The following SPOCK3 variants were observed in gnomAD, a reference collection of about 807,000 sequenced individuals.
SPOCK3 encodes testican-3.
A neutral mutation model predicts 56.6 loss-of-function variants in SPOCK3; 30 were observed. The observed-to-expected ratio is 0.53, with a 90% CI of 0.40 to 0.72. SPOCK3 has a LOEUF of 0.72. Ranked by LOEUF, SPOCK3 falls within the 30% of genes least tolerant of loss-of-function variation. The pLI, the probability that SPOCK3 is intolerant of heterozygous loss-of-function variation, is 0.00. For synonymous variants in SPOCK3, 196 were observed against 183.3 expected, an observed-to-expected ratio of 1.07 and a Z score of -0.56; for missense variants, 527 against 530.0, an observed-to-expected ratio of 0.99 and a Z score of 0.06.
At chr4:166,932,904 C>A (rs904290448) in intron 4 of SPOCK3, among the ~76,000 whole-genome samples, 3 of 152,018 alleles carry the variant, frequency 2.0e-5, no homozygotes, top group African/African-American at 7.2e-5. Flanking sequence ...TGTCTAGTAT[C>A]CCTCTGATTT....
chr4:167,170,832 A>G (rs1048162883), intron 2 of SPOCK3, among the ~76,000 whole-genome samples: 2 of 152,198 alleles, frequency 1.3e-5, no homozygotes, highest in African/African-American at 4.8e-5. Context: ...GAGAAGAGTC[A>G]GAGTTCAAGT....
chr4:166,771,165 A>C (rs899427861), intron 7 of SPOCK3, among the ~76,000 whole-genome samples: 1 of 151,324 alleles, frequency 6.6e-6, no homozygotes, highest in African/African-American at 2.4e-5. Context: ...GTTCAGAATA[A>C]GAAAATTTTT....
intron 4 of SPOCK3, among the ~76,000 whole-genome samples, chr4:166,934,438 C>A (rs1205272533): frequency 2.0e-5 from 3 of 151,792 alleles, no homozygotes; most frequent in Non-Finnish European, 2.9e-5. Flanking sequence ...GAGGAGCTTG[C>A]AGTGAGCCGA....
intron 7 of SPOCK3, among the ~76,000 whole-genome samples, chr4:166,763,901 C>T (rs1026850165): frequency 3.9e-5 from 6 of 152,022 alleles, no homozygotes; most frequent in African/African-American, 1.2e-4. Context: ...GCTGAAAGTC[C>T]AACAGAGATC....
At chr4:166,944,603 T>A (rs761398873) in intron 4 of SPOCK3, among the ~76,000 whole-genome samples, 2 of 152,160 alleles carry the variant, frequency 1.3e-5, no homozygotes, top group African/African-American at 4.8e-5. Flanking sequence ...ATCAATTACA[T>A]TGTAGAATGT....
At chr4:166,755,095 C>A (rs1736901018) in intron 7 of SPOCK3, among the ~76,000 whole-genome samples, 1 of 151,844 alleles carries the variant, frequency 6.6e-6, no homozygotes, top group Non-Finnish European at 1.5e-5. Context: ...TTTAAAACAT[C>A]CTATGAACAA....
At chr4:166,804,639 A>G (rs773616450) in intron 6 of SPOCK3, among the ~76,000 whole-genome samples, 23 of 152,162 alleles carry the variant, frequency 1.5e-4, no homozygotes, top group Non-Finnish European at 3.2e-4. Flanking sequence ...AAATCTTTGT[A>G]TGTGCTTCTT....
chr4:167,031,751 T>G (rs1752297428), intron 3 of SPOCK3, among the ~76,000 whole-genome samples: 1 of 152,020 alleles, frequency 6.6e-6, no homozygotes, highest in African/African-American at 2.4e-5. Flanking sequence ...CTGTTGAAAC[T>G]CCTTTCTTTT....
intron 6 of SPOCK3, among the ~76,000 whole-genome samples, chr4:166,842,419 A>G (rs1292621882): frequency 6.6e-6 from 1 of 152,124 alleles, no homozygotes; most frequent in African/African-American, 2.4e-5. Flanking sequence ...CAGAGTGCTG[A>G]TTGGTGCATT....
intron 3 of SPOCK3, among the ~76,000 whole-genome samples, chr4:167,029,974 T>C (rs1439581164): frequency 6.6e-6 from 1 of 152,046 alleles, no homozygotes; most frequent in African/African-American, 2.4e-5. Context: ...TGTTTTACTA[T>C]GTCTGTTCTT....
intron 4 of SPOCK3, among the ~76,000 whole-genome samples, chr4:166,928,275 C>G (rs1202045230): frequency 6.6e-6 from 1 of 152,192 alleles, no homozygotes; most frequent in Non-Finnish European, 1.5e-5. Flanking sequence ...AGCTTGCAGA[C>G]AGATGTTTAT....
intron 5 of SPOCK3, among the ~76,000 whole-genome samples, chr4:166,895,898 C>T (rs1423198313): frequency 6.6e-6 from 1 of 152,040 alleles, no homozygotes; most frequent in Non-Finnish European, 1.5e-5. Context: ...AAAGTCTCCC[C>T]TTGAGTAAAT....
chr4:166,795,331 C>G (rs1482411502), intron 6 of SPOCK3, among the ~76,000 whole-genome samples: 1 of 152,096 alleles, frequency 6.6e-6, no homozygotes, highest in Non-Finnish European at 1.5e-5. Context: ...AGTCGCATCC[C>G]AGATTCTTAG....
chr4:167,038,393 G>A (rs1454074938), intron 3 of SPOCK3, among the ~76,000 whole-genome samples: 1 of 152,074 alleles, frequency 6.6e-6, no homozygotes, highest in African/African-American at 2.4e-5. Context: ...CCTACATTTT[G>A]TGTTCTTGCC....
intron 6 of SPOCK3, among the ~76,000 whole-genome samples, chr4:166,854,566 C>T (rs963954566): frequency 6.6e-6 from 1 of 151,976 alleles, no homozygotes; most frequent in African/African-American, 2.4e-5. Flanking sequence ...TATAGACTGT[C>T]CATAATATTT....
At chr4:166,895,103 A>T (rs986798849) in intron 5 of SPOCK3, among the ~76,000 whole-genome samples, 1 of 152,118 alleles carries the variant, frequency 6.6e-6, no homozygotes, top group Admixed American at 6.6e-5. Flanking sequence ...TGTTTGAATT[A>T]TTCCAGATTA....
intron 6 of SPOCK3, among the ~76,000 whole-genome samples, chr4:166,851,184 G>T (rs1213876495): frequency 1.3e-5 from 2 of 152,152 alleles, no homozygotes; most frequent in African/African-American, 2.4e-5. Flanking sequence ...AGCCTAACTG[G>T]GAGGCACTCC....
At chr4:166,945,612 T>A (rs1040208467) in intron 4 of SPOCK3, among the ~76,000 whole-genome samples, 2 of 152,174 alleles carry the variant, frequency 1.3e-5, no homozygotes, top group African/African-American at 4.8e-5. Context: ...TCCTAATCAA[T>A]CTGTGTCCTG....
In SPOCK3 at chr4:166,737,599, A is replaced by G. The variant is rs758607670; in HGVS notation, c.1000T>C (p.Tyr334His). The change falls in exon 10 of 11, where the codon TAT (tyrosine) becomes CAT (histidine). Residue 334 changes from tyrosine (Y) to histidine (H), a missense_variant. Tyr to His is a moderately conservative substitution (Grantham distance 83). Coordinates refer to ENST00000357545, the MANE Select transcript of SPOCK3 (RefSeq NM_001040159.2). ...CCATCTTCATCACACAGGGGGATAT[A>G]CTGTCCTGTTGAAACAACACACAGG... ...RQGVKKLLGQ[Y>H]IPLCDEDGYY... The G allele has an allele frequency of 3.1e-6, 5 of 1,609,838 alleles. No individual in the cohort carries two copies. The African/African-American group carries it at 5.3e-5, about 17-fold the overall frequency.
Sources: allele counts gnomAD v4.1 joint callset (sites outside exome capture counted in the v4.1 genomes callset), GRCh38; gene constraint gnomAD v4.1.1; transcripts MANE v1.5; gene names NCBI Gene and HGNC (gene_info 2026-07-23, HGNC 2026-07-21).